The following SLFN12L variants were observed in gnomAD, a reference collection of about 807,000 sequenced individuals.
SLFN12L encodes the protein schlafen family member 12-like.
Under a neutral mutation model 34.8 loss-of-function variants are expected in SLFN12L, and 34 were observed. The ratio of observed to expected loss-of-function variants is 0.98; its 90% CI spans 0.74 to 1.30. The LOEUF is 1.30. SLFN12L is among the 50% of genes most tolerant of loss of function. The probability of loss-of-function intolerance (pLI) is 0.00; values close to 1 mark genes in which losing one functional copy is unlikely to be tolerated. For synonymous variants in SLFN12L, 259 were observed against 247.5 expected, an observed-to-expected ratio of 1.05 and a Z score of -0.44; for missense variants, 703 against 696.2, an observed-to-expected ratio of 1.01 and a Z score of -0.11.
chr17:35,534,111 C>T (rs1275130992), intron 1 of SLFN12L, among the ~76,000 whole-genome samples: 3 of 151,896 alleles, frequency 2.0e-5, no homozygotes, highest in Non-Finnish European at 4.4e-5. Flanking sequence ...GCCTGTGATC[C>T]CAGCACTTTG....
chr17:35,501,889 C>G (rs1438179031), intron 2 of SLFN12L, among the ~76,000 whole-genome samples: 2 of 151,996 alleles, frequency 1.3e-5, no homozygotes, highest in Non-Finnish European at 2.9e-5. Context: ...TAGACCACCC[C>G]CCACAGTGGT....
At chr17:35,488,763 G>A (rs1914711454) in intron 2 of SLFN12L, among the ~76,000 whole-genome samples, 1 of 152,108 alleles carries the variant, frequency 6.6e-6, no homozygotes, top group Non-Finnish European at 1.5e-5. Flanking sequence ...CACTGAATGA[G>A]CACATGCATT....
At chr17:35,486,753 C>G (rs144498933) in intron 2 of SLFN12L, among the ~76,000 whole-genome samples, 1 of 152,186 alleles carries the variant, frequency 6.6e-6, no homozygotes, top group Non-Finnish European at 1.5e-5. Flanking sequence ...TTCTATCAGA[C>G]CTGAACTCAT....
chr17:35,481,134 G>T (rs1914320116), intron 2 of SLFN12L, among the ~76,000 whole-genome samples: 1 of 152,252 alleles, frequency 6.6e-6, no homozygotes, highest in Non-Finnish European at 1.5e-5. Flanking sequence ...GGGCTGCCTG[G>T]CCTAGCGGTA....
intron 2 of SLFN12L, among the ~76,000 whole-genome samples, chr17:35,488,452 T>C (rs531473917): frequency 7.9e-5 from 12 of 152,312 alleles, no homozygotes; most frequent in African/African-American, 2.6e-4. Context: ...GGCCAATTAG[T>C]TGGCTTCGAA....
chr17:35,517,345 G>A (rs751199221), intron 2 of SLFN12L, among the ~76,000 whole-genome samples: 6 of 152,100 alleles, frequency 3.9e-5, no homozygotes, highest in Non-Finnish European at 8.8e-5. Context: ...AACTTACAAG[G>A]GACGTGAAGG....
intron 1 of SLFN12L, among the ~76,000 whole-genome samples, chr17:35,523,405 G>T (rs984474503): frequency 6.6e-6 from 1 of 152,174 alleles, no homozygotes. Context: ...CAGGAAGAAG[G>T]TACTCATTAG....
rs2142147551 is a variant in SLFN12L, at chr17:35,498,175, G to T, written c.87-17980C>A. 3 of 671,254 alleles carry T rather than the reference G, an allele frequency of 4.5e-6. No individual in the cohort carries two copies. In the Admixed American group the frequency reaches 6.4e-5, roughly 14 times the overall value. The allele number at this position is 671,254 out of a possible 1,614,324, so 41.6% of individuals were successfully genotyped here. ...AGGCGGAAGCATCTCGATCCGGGAGGCGGCGGCGTGGGGAGCCGGGGCCGC... is the reference window on the plus strand; with the variant it reads ...AGGCGGAAGCATCTCGATCCGGGAGTCGGCGGCGTGGGGAGCCGGGGCCGC... On this transcript the variant is annotated intron_variant, in intron 2 of 4. Coordinates refer to ENST00000628453, the MANE Select transcript of SLFN12L (RefSeq NM_001363830.2).
chr17:35,487,810 C>CAGCTGAGCGAGG, intron 2 of SLFN12L: 1 of 1,483,294 alleles, frequency 6.7e-7, no homozygotes, highest in Non-Finnish European at 9.1e-7. Flanking sequence ...CGTCCGTGTG[C>CAGCTGAGCGAGG]GGCTAGCCCC....
Position 35,475,246 on chromosome 17 carries a change from C to T in SLFN12L, c.1516G>A (p.Asp506Asn), listed in dbSNP as rs752952223. 79 of 1,614,004 alleles carry T rather than the reference C, an allele frequency of 4.9e-5. No homozygotes were observed. Among genetic ancestry groups the T allele is most frequent in the East Asian group, 2.2e-5 (1 of 44,882 alleles). The change falls in exon 5 of 5, where the codon GAT (aspartate) becomes AAT (asparagine). Residue 506 changes from aspartate to asparagine, a missense_variant. Coordinates refer to ENST00000628453, the MANE Select transcript of SLFN12L (RefSeq NM_001363830.2). ...GTAGAATAGTCTTTAAACTCCTCATCCTGTACCATGTGGAAGGTGTATAGG... is the reference window on the plus strand; with the variant it reads ...GTAGAATAGTCTTTAAACTCCTCATTCTGTACCATGTGGAAGGTGTATAGG... ...PVLYTFHMVQ[D>N]EEFKDYSTQT...
chr17:35,500,623 G>A (rs1488528092), intron 2 of SLFN12L, among the ~76,000 whole-genome samples: 1 of 152,122 alleles, frequency 6.6e-6, no homozygotes, highest in Non-Finnish European at 1.5e-5. Flanking sequence ...CAGATACTCA[G>A]GAGACTGAGG....
chr17:35,478,978 G>T, intron 3 of SLFN12L, 139 bp downstream of exon 3: 3 of 625,270 alleles, frequency 4.8e-6, no homozygotes, highest in Non-Finnish European at 5.5e-6. Flanking sequence ...AAAACAAGAG[G>T]CAGGGAAGTA....
chr17:35,508,430 T>C (rs1173381534), intron 2 of SLFN12L, among the ~76,000 whole-genome samples: 3 of 152,218 alleles, frequency 2.0e-5, no homozygotes, highest in Non-Finnish European at 4.4e-5. Context: ...CACTGCAATG[T>C]CCGCCTCCCA....
In SLFN12L at chr17:35,522,777, A is replaced by C. The variant is rs1033301154; in HGVS notation, c.-413T>G. The C allele has an allele frequency of 6.3e-6, 10 of 1,579,718 alleles. No homozygotes were observed. The highest frequency in any genetic ancestry group is 1.3e-5 in the African/African-American group (1 of 74,368). Reference sequence around the variant, plus strand: ...GGCCCTGCCAGGGCTGTTCTATGCTATCAGCAGAGCATCACAGATGACTCC... The same window carrying C: ...GGCCCTGCCAGGGCTGTTCTATGCTCTCAGCAGAGCATCACAGATGACTCC... On this transcript the variant is annotated 5_prime_UTR_variant, in exon 2 of 5. Transcript: ENST00000628453.
chr17:35,501,298 A>T (rs1915288444), intron 2 of SLFN12L, among the ~76,000 whole-genome samples: 1 of 152,242 alleles, frequency 6.6e-6, no homozygotes. Context: ...GCTGAACACC[A>T]GGAGGAACTG....
At chr17:35,530,366 G>A (rs867892173) in intron 1 of SLFN12L, among the ~76,000 whole-genome samples, 1 of 3,040 alleles carries the variant, frequency 3.3e-4, no homozygotes, top group Non-Finnish European at 8.9e-4. Flanking sequence ...AGAAAGAAAG[G>A]AAGGAAGGAA....
Position 35,530,523 on chromosome 17 carries a change from AAAAGAAAAGAAAAGAAAAG to A in SLFN12L, c.-606+7031_-606+7049del, listed in dbSNP as rs1316190943. ...AAGAAAGAAAGAAAGAAAAGAAAAG[AAAAGAAAAGAAAAGAAAAG>A]AAAGAAAGAAAGAAAGAGAAAGGGA... is the stretch of plus-strand genomic sequence containing the variant. On this transcript the variant is annotated intron_variant, in intron 1 of 4. Coordinates refer to ENST00000628453, the MANE Select transcript of SLFN12L (RefSeq NM_001363830.2). 1.9e-3 allele frequency among the ~76,000 whole-genome samples: 82 copies of A among 43,904 alleles called. 4 individuals carry two copies. Among genetic ancestry groups the A allele is most frequent in the African/African-American group, 5.5e-3 (78 of 14,202 alleles). The allele number at this position is 43,904 out of a possible 152,430, so 28.8% of individuals were successfully genotyped here.
At chr17:35,537,427 A>G (rs1441215022) in intron 1 of SLFN12L, 146 bp downstream of exon 1, 1 of 152,208 alleles carries the variant, frequency 6.6e-6, no homozygotes, top group East Asian at 1.9e-4. Context: ...TGTCTACTTC[A>G]TCCTCTCTTG....
rs370128093 is a variant in SLFN12L, at chr17:35,492,124, C to T, written c.87-11929G>A. Among the ~76,000 whole-genome samples, 9 of 152,302 alleles carry T rather than the reference C, an allele frequency of 5.9e-5. No homozygotes were observed. The East Asian group carries it at 7.7e-4, about 13-fold the overall frequency. ...TTCAATTTAATTGTTTACTTTGAAG[C>T]GATTTTTGCAAATTCACATTACTTC... On this transcript the variant is annotated intron_variant, in intron 2 of 4. Transcript: ENST00000628453.
Sources: gnomAD v4.1 joint callset for allele counts (sites outside exome capture counted in the v4.1 genomes callset) on GRCh38, gnomAD v4.1.1 for gene constraint, MANE v1.5 for transcripts, NCBI Gene and HGNC (gene_info 2026-07-23, HGNC 2026-07-21) for gene names.